Variants in DLG2 observed in about 807,000 individuals in gnomAD.
DLG2 encodes the protein discs large MAGUK scaffold protein 2.
A neutral mutation model predicts 132.5 loss-of-function variants in DLG2; 45 were observed. The observed-to-expected ratio is 0.34, with a 90% confidence interval of 0.27 to 0.44. DLG2 has a LOEUF of 0.44. Ranked by LOEUF, DLG2 falls within the 20% of genes least tolerant of loss-of-function variation. The probability of loss-of-function intolerance (pLI) is 1.00; values close to 1 mark genes in which losing one functional copy is unlikely to be tolerated. For synonymous variants in DLG2, 424 were observed against 419.6 expected (o/e 1.01, Z -0.13); for missense variants, 1,045 against 1,196.9 (o/e 0.87, Z 1.87).
At chr11:83,881,726 C>T (rs888415526) in intron 15 of DLG2, among the ~76,000 whole-genome samples, 1 of 152,092 alleles carries the variant, frequency 6.6e-6, no homozygotes, top group Non-Finnish European at 1.5e-5. Flanking sequence ...ATGTTTATGT[C>T]CCATAAATTT....
intron 6 of DLG2, among the ~76,000 whole-genome samples, chr11:85,041,063 C>A (rs1455493273): frequency 6.6e-6 from 1 of 151,756 alleles, no homozygotes; most frequent in Non-Finnish European, 1.5e-5. Flanking sequence ...GAACAGGGGT[C>A]CAATTATGCA....
At chr11:83,679,516 G>T (rs904892248) in intron 18 of DLG2, among the ~76,000 whole-genome samples, 1 of 151,816 alleles carries the variant, frequency 6.6e-6, no homozygotes, top group Non-Finnish European at 1.5e-5. Flanking sequence ...TGAACAGAAA[G>T]GTAATAACCC....
chr11:84,306,191 A>G (rs1261209088), intron 7 of DLG2, among the ~76,000 whole-genome samples: 2 of 152,150 alleles, frequency 1.3e-5, no homozygotes, highest in African/African-American at 4.8e-5. Context: ...TGACATGTTA[A>G]TTACTCTGAT....
intron 8 of DLG2, among the ~76,000 whole-genome samples, chr11:84,230,102 G>T (rs1049127915): frequency 3.3e-5 from 5 of 152,162 alleles, no homozygotes; most frequent in African/African-American, 1.2e-4. Flanking sequence ...CTTAAAGAAG[G>T]TAATTTACAA....
Position 85,337,966 on chromosome 11 carries a change from G to A in DLG2, c.41-52601C>T, listed in dbSNP as rs146660786. Among the ~76,000 whole-genome samples the A allele has an allele frequency of 6.4e-3, 976 of 152,266 alleles. 10 individuals are homozygous for A. The highest frequency in any genetic ancestry group is 0.022 in the African/African-American group (913 of 41,560). ...AAACTGAAGATTGTACATAGCTGCA[G>A]AAATAATTAATAAGGTGGAAGATAG... On this transcript the variant is annotated intron_variant, in intron 3 of 27. Coordinates refer to ENST00000376104, the MANE Select transcript of DLG2 (RefSeq NM_001142699.3).
intron 4 of DLG2, among the ~76,000 whole-genome samples, chr11:85,187,025 T>C (rs1214098120): frequency 6.6e-6 from 1 of 152,140 alleles, no homozygotes; most frequent in Non-Finnish European, 1.5e-5. Flanking sequence ...CCACACTGAA[T>C]ATTACTGGTA....
chr11:84,850,312 T>C (rs1283843918), intron 6 of DLG2, among the ~76,000 whole-genome samples: 1 of 152,088 alleles, frequency 6.6e-6, no homozygotes, highest in Non-Finnish European at 1.5e-5. Flanking sequence ...TCTGAAGACT[T>C]AGAGGAGGAA....
chr11:85,266,352 C>T (rs1450325603), intron 4 of DLG2, among the ~76,000 whole-genome samples: 1 of 152,204 alleles, frequency 6.6e-6, no homozygotes, highest in African/African-American at 2.4e-5. Flanking sequence ...TACTTGTGTG[C>T]TTGTGTGCTC....
chr11:84,509,154 C>T lies in DLG2; in HGVS notation c.519+25416G>A, dbSNP rs536067071. ...AACTCAAAACTGGAGTTTTAATGCT[C>T]ACCTGAGGATAAGAGATATATCATA... On this transcript the variant is annotated intron_variant, in intron 7 of 27. Transcript: ENST00000376104. Among the ~76,000 whole-genome samples the T allele has an allele frequency of 1.2e-4, 19 of 152,312 alleles. 1 individual carries two copies. In the South Asian group the frequency reaches 3.7e-3, roughly 30 times the overall value.
At chr11:83,480,189 G>A (rs545463584) in intron 22 of DLG2, among the ~76,000 whole-genome samples, 3 of 152,074 alleles carry the variant, frequency 2.0e-5, no homozygotes, top group Non-Finnish European at 4.4e-5. Context: ...ACATAAGGGT[G>A]CACTGATGGC....
chr11:83,732,931 A>G (rs1236989712), intron 18 of DLG2, among the ~76,000 whole-genome samples: 1 of 152,032 alleles, frequency 6.6e-6, no homozygotes, highest in East Asian at 1.9e-4. Flanking sequence ...AGTAGTGAAC[A>G]CTCAGAAGTA....
chr11:84,233,777 A>G (rs1183858677), intron 8 of DLG2, among the ~76,000 whole-genome samples: 1 of 152,158 alleles, frequency 6.6e-6, no homozygotes, highest in Non-Finnish European at 1.5e-5. Flanking sequence ...GGAAAGAGCT[A>G]TTCTCTTTCT....
Position 84,197,297 on chromosome 11 carries a change from A to G in DLG2, c.574-33786T>C, listed in dbSNP as rs544179054. ...TGACTCTTACATTATGCCATTTTTG[A>G]AAAGGAAGGCTCTATGATGTGTGAG... On this transcript the variant is annotated intron_variant, in intron 8 of 27. Transcript: ENST00000376104. Among the ~76,000 whole-genome samples, 3 of 152,260 alleles carry G rather than the reference A, an allele frequency of 2.0e-5. No individual in the cohort carries two copies. The East Asian group carries it at 5.8e-4, about 29-fold the overall frequency.
intron 6 of DLG2, among the ~76,000 whole-genome samples, chr11:84,703,207 C>A (rs7926116): frequency 0.015 from 2,256 of 151,704 alleles, 65 homozygotes; most frequent in African/African-American, 0.051. Context: ...TTAATTGAGT[C>A]ATCCTTCTTT....
chr11:84,571,094 CTA>C (rs2099482239), intron 6 of DLG2, among the ~76,000 whole-genome samples: 1 of 152,124 alleles, frequency 6.6e-6, no homozygotes, highest in African/African-American at 2.4e-5. Context: ...CATACCTATA[CTA>C]TAAAAGGGAG....
chr11:83,898,556 G>A (rs940473528), intron 15 of DLG2, among the ~76,000 whole-genome samples: 2 of 151,868 alleles, frequency 1.3e-5, no homozygotes, highest in Admixed American at 1.3e-4. Flanking sequence ...TTAAAGGACT[G>A]TTTTTTATTC....
chr11:84,357,240 G>T (rs141780369), intron 7 of DLG2, among the ~76,000 whole-genome samples: 5 of 152,102 alleles, frequency 3.3e-5, no homozygotes, highest in African/African-American at 1.2e-4. Flanking sequence ...GGCAATTCCT[G>T]TTGTCTCATT....
chr11:84,810,112 C>G (rs553470173), intron 6 of DLG2, among the ~76,000 whole-genome samples: 5 of 151,984 alleles, frequency 3.3e-5, no homozygotes, highest in South Asian at 2.1e-4. Context: ...AACTGATAAA[C>G]TGGATTTAAT....
intron 6 of DLG2, among the ~76,000 whole-genome samples, chr11:84,932,844 T>C (rs1418188464): frequency 1.3e-5 from 2 of 152,184 alleles, no homozygotes; most frequent in Non-Finnish European, 1.5e-5. Flanking sequence ...GTCTTTATAG[T>C]AGAATGATTT....
Sources: gnomAD v4.1 joint callset for allele counts (sites outside exome capture counted in the v4.1 genomes callset) on GRCh38, gnomAD v4.1.1 for gene constraint, MANE v1.5 for transcripts, NCBI Gene and HGNC (gene_info 2026-07-23, HGNC 2026-07-21) for gene names.